NFX1: variants seen among roughly 807,000 people sequenced by gnomAD.
The protein encoded by NFX1 is transcriptional repressor NF-X1.
NFX1 carries 69 observed loss-of-function variants against 137.2 expected under a neutral mutation model. That is an observed-to-expected ratio of 0.50 (90% CI 0.41 to 0.61). The LOEUF (loss-of-function observed/expected upper bound fraction) is 0.61. Ranked by LOEUF, NFX1 falls within the 20% of genes least tolerant of loss-of-function variation. The probability of loss-of-function intolerance (pLI) is 0.00; values close to 1 mark genes in which losing one functional copy is unlikely to be tolerated. For missense variants in NFX1, 1,167 were observed against 1,391.0 expected, an observed-to-expected ratio of 0.84 and a Z score of 2.56; for synonymous variants, 495 against 474.1, an observed-to-expected ratio of 1.04 and a Z score of -0.57.
rs1824202331 is a variant in NFX1, at chr9:33,367,512, CAG to C, written c.3186-2_3186-1del. On this transcript the variant is annotated splice_acceptor_variant, in intron 22 of 23. Transcript: ENST00000379540. LOFTEE classifies it high-confidence loss of function. ...CAATGCTTGGTGTTTTGACTTTTAT[CAG>C]GGGGAAGTCCGTTTGTCCTCCTACC... The C allele has an allele frequency of 1.9e-6, 3 of 1,613,436 alleles. No homozygotes were observed. The highest frequency in any genetic ancestry group is 1.7e-6 in the Non-Finnish European group (2 of 1,179,634).
chr9:33,295,952 G>C (rs1821340257), intron 2 of NFX1, among the ~76,000 whole-genome samples: 1 of 152,022 alleles, frequency 6.6e-6, no homozygotes, highest in Non-Finnish European at 1.5e-5. Context: ...TTGTTTTTTT[G>C]AGAGGAGTCT....
At chr9:33,332,813 C>T (rs1413823218) in intron 11 of NFX1, among the ~76,000 whole-genome samples, 2 of 152,128 alleles carry the variant, frequency 1.3e-5, no homozygotes, top group Non-Finnish European at 2.9e-5. Context: ...TAGATATGGG[C>T]ATATGGATGT....
chr9:33,307,089 A>G, intron 4 of NFX1, 105 bp from the exon 5 acceptor site: 2 of 733,686 alleles, frequency 2.7e-6, no homozygotes, highest in Non-Finnish European at 4.5e-6. Context: ...AATAATAAAA[A>G]CCACACTAAA....
At chr9:33,368,592 G>T (rs1824237288) in intron 23 of NFX1, among the ~76,000 whole-genome samples, 1 of 152,146 alleles carries the variant, frequency 6.6e-6, no homozygotes, top group South Asian at 2.1e-4. Context: ...GGGAAGGCAG[G>T]ATGGTGCTCC....
chr9:33,316,866 A>T (rs1004732270), intron 7 of NFX1, among the ~76,000 whole-genome samples: 1 of 151,866 alleles, frequency 6.6e-6, no homozygotes, highest in East Asian at 1.9e-4. Context: ...TTCATCAGGA[A>T]CTCAATTTTT....
At position 33,351,787 on chromosome 9, in the gene NFX1, T is replaced by G; in HGVS notation, c.2652T>G (p.Ala884=). The G allele has an allele frequency of 6.4e-7, 1 of 1,573,102 alleles. No individual in the cohort carries two copies. The highest frequency in any genetic ancestry group is 8.6e-7 in the Non-Finnish European group (1 of 1,160,946). ...CCTGCCCTGTGACTGCTTGTAAAGC[T>G]AAGGTGGGTATTTCTGGCCACAGAT... ...SSPCPVTACK[A]KVELQCECGR... Residue 884 remains alanine, a synonymous_variant, in exon 16 of 24, where the codon GCT becomes GCG. Transcript: ENST00000379540.
chr9:33,326,342 G>A (rs1192553295), intron 9 of NFX1, among the ~76,000 whole-genome samples: 1 of 151,590 alleles, frequency 6.6e-6, no homozygotes, highest in African/African-American at 2.4e-5. Flanking sequence ...GAATTCAGGA[G>A]GCAGAGGCTG....
intron 12 of NFX1, among the ~76,000 whole-genome samples, chr9:33,341,437 G>A (rs184642613): frequency 8.5e-5 from 13 of 152,218 alleles, no homozygotes; most frequent in Admixed American, 7.8e-4. Flanking sequence ...AGATTTGGGT[G>A]GAGACACAGC....
chr9:33,301,496 A>C (rs775025749), intron 3 of NFX1, 75 bp downstream of exon 3: 66 of 1,480,198 alleles, frequency 4.5e-5, no homozygotes, highest in Non-Finnish European at 5.4e-5. Context: ...CCCAGCTTTA[A>C]AAATACAGTT....
chr9:33,312,820 G>A (rs562485201), intron 6 of NFX1, among the ~76,000 whole-genome samples: 47 of 152,296 alleles, frequency 3.1e-4, no homozygotes, highest in Admixed American at 2.8e-3. Flanking sequence ...GCAGTGAGCC[G>A]AGATGGCTCC....
chr9:33,335,990 T>C (rs997600193), intron 11 of NFX1, among the ~76,000 whole-genome samples: 1 of 152,344 alleles, frequency 6.6e-6, no homozygotes, highest in African/African-American at 2.4e-5. Context: ...AGTGCTGTTA[T>C]GAACATTTGT....
intron 12 of NFX1, among the ~76,000 whole-genome samples, chr9:33,338,924 C>T (rs1823114731): frequency 6.6e-6 from 1 of 152,204 alleles, no homozygotes; most frequent in African/African-American, 2.4e-5. Flanking sequence ...CCAACACAAA[C>T]TGGCCTGGAC....
chr9:33,310,410 G>A (rs1450845587), intron 5 of NFX1, among the ~76,000 whole-genome samples: 3 of 152,104 alleles, frequency 2.0e-5, no homozygotes, highest in Admixed American at 2.0e-4. Flanking sequence ...GCTTTGAAGA[G>A]GGCAGTATAT....
At chr9:33,355,005 C>T (rs183556658) in intron 19 of NFX1, 113 bp downstream of exon 19, 14 of 988,178 alleles carry the variant, frequency 1.4e-5, no homozygotes, top group African/African-American at 6.5e-5. Flanking sequence ...CGTCTTTTAC[C>T]GTTATCAAAG....
chr9:33,318,589 C>G, intron 7 of NFX1, 142 bp from the exon 8 acceptor site: 6 of 709,340 alleles, frequency 8.5e-6, no homozygotes, highest in East Asian at 2.6e-5. Flanking sequence ...TAGGTCTGAT[C>G]AGTACTCTAT....
At position 33,328,021 on chromosome 9, in the gene NFX1, T is replaced by C. The variant is rs574680129; in HGVS notation, c.1907-560T>C. On this transcript the variant is annotated intron_variant, in intron 9 of 23. Coordinates refer to ENST00000379540, the MANE Select transcript of NFX1 (RefSeq NM_002504.6). ...GAAGATTTATTCTGTGTTTTTGTTA[T>C]TTGTTTTGAAACAGGGTCTTGCTCT... is the stretch of plus-strand genomic sequence containing the variant. 2.6e-5 allele frequency among the ~76,000 whole-genome samples: 4 copies of C among 152,280 alleles called. No homozygotes were observed. The East Asian group carries it at 7.7e-4, about 29-fold the overall frequency.
intron 15 of NFX1, chr9:33,348,819 C>T: frequency 1.0e-6 from 1 of 976,982 alleles, no homozygotes; most frequent in Non-Finnish European, 1.2e-6. Context: ...AGACGTGGTA[C>T]ACATTTTTCC....
chr9:33,365,017 T>C (rs1444437240), intron 21 of NFX1: 6 of 1,287,486 alleles, frequency 4.7e-6, no homozygotes, highest in East Asian at 7.1e-5. Context: ...CTCATGCCTG[T>C]AATGCCAGCA....
chr9:33,296,169 C>T (rs1325090311), intron 2 of NFX1, among the ~76,000 whole-genome samples: 4 of 152,116 alleles, frequency 2.6e-5, no homozygotes, highest in Non-Finnish European at 4.4e-5. Context: ...TCGGGTGATC[C>T]GCCTCGGCTT....
Sources: gnomAD v4.1 joint callset for allele counts (sites outside exome capture counted in the v4.1 genomes callset) on GRCh38, gnomAD v4.1.1 for gene constraint, MANE v1.5 for transcripts, NCBI Gene and HGNC (gene_info 2026-07-23, HGNC 2026-07-21) for gene names.